Variants in NT5DC1 observed in about 807,000 individuals in gnomAD.
NT5DC1 encodes the protein 5'-nucleotidase domain-containing protein 1.
A neutral mutation model predicts 59.4 loss-of-function variants in NT5DC1; 42 were observed. The ratio of observed to expected loss-of-function variants is 0.71; its 90% confidence interval spans 0.55 to 0.92. The LOEUF is 0.92. Ranked by LOEUF, NT5DC1 falls within the 40% of genes least tolerant of loss-of-function variation. The pLI is 0.00. For missense variants in NT5DC1, 501 were observed against 537.1 expected (o/e 0.93, Z 0.66); for synonymous variants, 172 against 188.1 (o/e 0.91, Z 0.70).
chr6:116,190,654 C>T (rs1188487249), intron 6 of NT5DC1, among the ~76,000 whole-genome samples: 6 of 151,972 alleles, frequency 3.9e-5, no homozygotes, highest in Non-Finnish European at 8.8e-5. Context: ...TTTATTGGAT[C>T]GTCAATAAAA....
chr6:116,153,082 A>C (rs899213229), intron 6 of NT5DC1, among the ~76,000 whole-genome samples: 2 of 151,976 alleles, frequency 1.3e-5, no homozygotes, highest in Non-Finnish European at 1.5e-5. Flanking sequence ...TATAACATTT[A>C]ATAAAATCCC....
chr6:116,180,484 A>T (rs1361753623), intron 6 of NT5DC1, among the ~76,000 whole-genome samples: 1 of 152,086 alleles, frequency 6.6e-6, no homozygotes, highest in African/African-American at 2.4e-5. Flanking sequence ...AAACTGCTAA[A>T]ACTTAAGTGA....
intron 6 of NT5DC1, among the ~76,000 whole-genome samples, chr6:116,165,706 G>T (rs1240824511): frequency 6.6e-6 from 1 of 152,140 alleles, no homozygotes; most frequent in Admixed American, 6.5e-5. Flanking sequence ...TGTCCCAAGG[G>T]GGTTCTTAGT....
rs776946411 is a variant in NT5DC1, at chr6:116,121,153, G to A, written c.529+3208G>A. 1.2e-6 allele frequency: 2 copies of A among 1,613,152 alleles called. No individual in the cohort carries two copies. Among genetic ancestry groups the A allele is most frequent in the Admixed American group, 1.7e-5 (1 of 59,938 alleles). On this transcript the variant is annotated intron_variant, in intron 6 of 11. Transcript: ENST00000319550. The stretch of plus-strand genomic sequence containing the variant: ...GACCTGCTGGCCCTTGTTCCCCTTT[G>A]GCACCTGGACCCCCAGGAAGGCCAG...
At chr6:116,231,506 T>C (rs1341193033) in intron 8 of NT5DC1, among the ~76,000 whole-genome samples, 3 of 152,248 alleles carry the variant, frequency 2.0e-5, no homozygotes, top group African/African-American at 7.2e-5. Flanking sequence ...TAAGCATCCT[T>C]AGGGAAGAGA....
At chr6:116,136,237 G>A (rs575935307) in intron 6 of NT5DC1, among the ~76,000 whole-genome samples, 2 of 152,028 alleles carry the variant, frequency 1.3e-5, no homozygotes, top group South Asian at 2.1e-4. Context: ...TGTGTTCTAG[G>A]TTCATCCATG....
At chr6:116,172,984 A>AT (rs1582851711) in intron 6 of NT5DC1, among the ~76,000 whole-genome samples, 1 of 152,154 alleles carries the variant, frequency 6.6e-6, no homozygotes, top group Non-Finnish European at 1.5e-5. Context: ...AGATATCTTA[A>AT]TTTTTTTACA....
chr6:116,219,252 A>G (rs543286196), intron 6 of NT5DC1, among the ~76,000 whole-genome samples: 27 of 152,158 alleles, frequency 1.8e-4, no homozygotes, highest in African/African-American at 6.3e-4. Flanking sequence ...GGTATATCAG[A>G]CTCGTGCTTT....
chr6:116,149,944 G>C (rs1779996267), intron 6 of NT5DC1, among the ~76,000 whole-genome samples: 1 of 152,220 alleles, frequency 6.6e-6, no homozygotes, highest in African/African-American at 2.4e-5. Flanking sequence ...AGGTAAGGTT[G>C]AAAGTGTTGC....
At chr6:116,182,237 G>C (rs550466859) in intron 6 of NT5DC1, among the ~76,000 whole-genome samples, 1 of 151,696 alleles carries the variant, frequency 6.6e-6, no homozygotes, top group East Asian at 1.9e-4. Context: ...GTGTGTGTGT[G>C]TGTGTGTGTG....
intron 6 of NT5DC1, among the ~76,000 whole-genome samples, chr6:116,148,572 G>T (rs1057353412): frequency 6.6e-6 from 1 of 152,110 alleles, no homozygotes; most frequent in East Asian, 1.9e-4. Flanking sequence ...TTAATTAATA[G>T]AAGTATTACT....
chr6:116,148,157 A>G (rs899404192), intron 6 of NT5DC1, among the ~76,000 whole-genome samples: 4 of 152,198 alleles, frequency 2.6e-5, no homozygotes, highest in African/African-American at 7.2e-5. Flanking sequence ...TATTCCTTGT[A>G]TAAGGATAGA....
In NT5DC1 at chr6:116,192,232, A is replaced by G. The variant is rs546476367; in HGVS notation, c.530-28822A>G. Among the ~76,000 whole-genome samples, 28 of 152,106 alleles carry G rather than the reference A, an allele frequency of 1.8e-4. 1 individual carries two copies. The South Asian group carries it at 2.5e-3, about 13-fold the overall frequency. On this transcript the variant is annotated intron_variant, in intron 6 of 11. Coordinates refer to ENST00000319550, the MANE Select transcript of NT5DC1 (RefSeq NM_152729.3). Reference sequence around the variant, plus strand: ...GTCTCTGTTTGCTCTTAAAATTGGGATAAGTTGTATTATGAGTGAGATAAT... The same window carrying G: ...GTCTCTGTTTGCTCTTAAAATTGGGGTAAGTTGTATTATGAGTGAGATAAT...
chr6:116,141,922 ACACACT>A (rs971745169), intron 6 of NT5DC1, among the ~76,000 whole-genome samples: 1 of 145,544 alleles, frequency 6.9e-6, no homozygotes, highest in Non-Finnish European at 1.5e-5. Flanking sequence ...ACACACACAC[ACACACT>A]GTAAATGTGA....
chr6:116,216,307 A>C (rs1234520560), intron 6 of NT5DC1, among the ~76,000 whole-genome samples: 1 of 152,024 alleles, frequency 6.6e-6, no homozygotes, highest in Non-Finnish European at 1.5e-5. Flanking sequence ...TAATAGTAAG[A>C]ATTCTGGTTT....
intron 6 of NT5DC1, among the ~76,000 whole-genome samples, chr6:116,125,105 C>G (rs534414782): frequency 6.6e-6 from 1 of 152,276 alleles, no homozygotes; most frequent in East Asian, 1.9e-4. Flanking sequence ...CACAAAAGTT[C>G]TGATTTTTTG....
At chr6:116,162,013 A>G (rs1006918668) in intron 6 of NT5DC1, among the ~76,000 whole-genome samples, 13 of 152,004 alleles carry the variant, frequency 8.6e-5, no homozygotes, top group Admixed American at 3.3e-4. Flanking sequence ...ATGTATTCCT[A>G]GATAGTCTAT....
chr6:116,121,484 G>C (rs764863859), intron 6 of NT5DC1: 2 of 1,614,122 alleles, frequency 1.2e-6, no homozygotes, highest in Admixed American at 3.3e-5. Context: ...AGATGGTCCT[G>C]TGGGACCCTG....
intron 6 of NT5DC1, among the ~76,000 whole-genome samples, chr6:116,177,700 C>G (rs1780764241): frequency 6.6e-6 from 1 of 152,102 alleles, no homozygotes; most frequent in Non-Finnish European, 1.5e-5. Flanking sequence ...ACCATCAGCT[C>G]TCTTAAAGTT....
Sources: gnomAD v4.1 joint callset for allele counts (sites outside exome capture counted in the v4.1 genomes callset) on GRCh38, gnomAD v4.1.1 for gene constraint, MANE v1.5 for transcripts, NCBI Gene and HGNC (gene_info 2026-07-23, HGNC 2026-07-21) for gene names.